The following MDGA2 variants were observed in gnomAD, a reference collection of about 807,000 sequenced individuals.
The protein encoded by MDGA2 is MAM domain containing glycosylphosphatidylinositol anchor 2.
A neutral mutation model predicts 117.8 loss-of-function variants in MDGA2; 40 were observed. The ratio of observed to expected loss-of-function variants is 0.34; its 90% CI spans 0.26 to 0.44. MDGA2 has a LOEUF of 0.44. Among genes scored for constraint, MDGA2 ranks in the 20% least tolerant of loss-of-function variants. The pLI, the probability that MDGA2 is intolerant of heterozygous loss-of-function variation, is 1.00. For missense variants in MDGA2, 1,123 were observed against 1,250.6 expected (o/e 0.90, Z 1.54); for synonymous variants, 452 against 439.0 (o/e 1.03, Z -0.37).
intron 2 of MDGA2, among the ~76,000 whole-genome samples, chr14:47,234,653 C>T (rs1445104200): frequency 1.3e-5 from 2 of 152,048 alleles, no homozygotes; most frequent in South Asian, 2.1e-4. Context: ...CATTCCAAGA[C>T]GCTACTGTGG....
At chr14:47,551,822 A>G (rs1189732371) in intron 1 of MDGA2, among the ~76,000 whole-genome samples, 1 of 152,178 alleles carries the variant, frequency 6.6e-6, no homozygotes, top group Non-Finnish European at 1.5e-5. Flanking sequence ...ACGAGGTACA[A>G]ATCAATTCCC....
intron 3 of MDGA2, among the ~76,000 whole-genome samples, chr14:47,198,591 A>G (rs1229021189): frequency 5.9e-5 from 9 of 152,196 alleles, no homozygotes; most frequent in African/African-American, 9.7e-5. Flanking sequence ...AATTGATAAA[A>G]TGATAGGATG....
intron 2 of MDGA2, among the ~76,000 whole-genome samples, chr14:47,259,775 T>C (rs554286569): frequency 1.3e-5 from 2 of 152,132 alleles, no homozygotes; most frequent in East Asian, 3.9e-4. Flanking sequence ...TTTTGCTAAC[T>C]ATGGAATCTG....
chr14:47,481,134 G>A (rs935167761), intron 1 of MDGA2, among the ~76,000 whole-genome samples: 3 of 152,070 alleles, frequency 2.0e-5, no homozygotes, highest in Non-Finnish European at 4.4e-5. Context: ...CTAAGTTATT[G>A]TGATGCTAAG....
At chr14:46,930,375 C>T (rs568296945) in intron 9 of MDGA2, among the ~76,000 whole-genome samples, 2 of 151,926 alleles carry the variant, frequency 1.3e-5, no homozygotes. Context: ...CTCTCATATC[C>T]TTTTTGGTAT....
intron 1 of MDGA2, among the ~76,000 whole-genome samples, chr14:47,581,781 G>A (rs752805827): frequency 1.2e-4 from 18 of 151,962 alleles, no homozygotes; most frequent in Admixed American, 2.0e-4. Flanking sequence ...ATGCAGGAAA[G>A]TAAATGTTTA....
chr14:47,152,499 G>C (rs1034700954), intron 3 of MDGA2, among the ~76,000 whole-genome samples: 2 of 152,074 alleles, frequency 1.3e-5, no homozygotes, highest in African/African-American at 2.4e-5. Context: ...TGGGAGTCAA[G>C]TTTCAGAGAA....
rs1483859670 is a variant in MDGA2 at position 47,291,465 on chromosome 14, GGGTTATCTCC to G, written c.420+9936_420+9945del. 4.6e-5 allele frequency among the ~76,000 whole-genome samples: 7 copies of G among 151,502 alleles called. No individual in the cohort carries two copies. The East Asian group carries it at 1.4e-3, about 29-fold the overall frequency. ...TACAGATGCTCCTTAACTTATAATG[GGGTTATCTCC>G]TGATAACCCCAACGCAACTTGAAAA... On this transcript the variant is annotated intron_variant, in intron 2 of 16. Transcript: ENST00000399232.
At chr14:47,289,132 A>G (rs1039703944) in intron 2 of MDGA2, among the ~76,000 whole-genome samples, 1 of 152,022 alleles carries the variant, frequency 6.6e-6, no homozygotes, top group Non-Finnish European at 1.5e-5. Context: ...TAGAGATTTG[A>G]AAACTCAAGT....
intron 1 of MDGA2, among the ~76,000 whole-genome samples, chr14:47,666,436 TGCACC>T (rs1897964842): frequency 2.0e-5 from 3 of 151,996 alleles, no homozygotes. Flanking sequence ...GGTTTGTAAA[TGCACC>T]AATCAGCACT....
chr14:47,287,687 A>G lies in MDGA2; in HGVS notation c.420+13724T>C, dbSNP rs543447574. Among the ~76,000 whole-genome samples the G allele has an allele frequency of 3.5e-4, 54 of 152,182 alleles. 1 individual carries two copies. The highest frequency in any genetic ancestry group is 7.1e-4 in the Non-Finnish European group (48 of 68,038). ...TATCTAATTTCAATGAATAAATAATATATGTTACAGGTTGATTATGTGCCC... is the reference window on the plus strand; with the variant it reads ...TATCTAATTTCAATGAATAAATAATGTATGTTACAGGTTGATTATGTGCCC... On this transcript the variant is annotated intron_variant, in intron 2 of 16. Coordinates refer to ENST00000399232, the MANE Select transcript of MDGA2 (RefSeq NM_001113498.3).
chr14:47,624,312 G>C (rs1381782015), intron 1 of MDGA2, among the ~76,000 whole-genome samples: 2 of 152,106 alleles, frequency 1.3e-5, no homozygotes. Flanking sequence ...ACAAAAATTA[G>C]CCAGGCATGG....
intron 1 of MDGA2, among the ~76,000 whole-genome samples, chr14:47,660,660 A>G (rs997501384): frequency 6.6e-6 from 1 of 152,252 alleles, no homozygotes; most frequent in African/African-American, 2.4e-5. Flanking sequence ...AACAAAAATC[A>G]GGCCAAATAT....
intron 1 of MDGA2, among the ~76,000 whole-genome samples, chr14:47,671,531 T>G (rs1341146164): frequency 2.0e-5 from 3 of 152,194 alleles, no homozygotes; most frequent in African/African-American, 7.2e-5. Flanking sequence ...ATGAAGTGAT[T>G]TTGCCTGAGT....
intron 2 of MDGA2, among the ~76,000 whole-genome samples, chr14:47,294,170 G>A (rs1888984733): frequency 1.4e-5 from 2 of 144,012 alleles, no homozygotes; most frequent in African/African-American, 2.6e-5. Flanking sequence ...TCAGGGCTCA[G>A]TGCAGCCTTG....
chr14:47,461,696 T>A (rs965979973), intron 1 of MDGA2, among the ~76,000 whole-genome samples: 78 of 151,230 alleles, frequency 5.2e-4, no homozygotes, highest in African/African-American at 1.8e-3. Context: ...ACGAAAAAAA[T>A]AAAAACAAAA....
chr14:47,509,741 T>C lies in MDGA2; in HGVS notation c.280+164776A>G, dbSNP rs147073764. Among the ~76,000 whole-genome samples the C allele has an allele frequency of 9.8e-5, 15 of 152,356 alleles. No homozygotes were observed. The East Asian group carries it at 2.7e-3, about 27-fold the overall frequency. ...AGTTAGGATCCATTACGTCTTCTTTTCTCTATCCCCCTTTTGGACAGGAAA... is the reference window on the plus strand; with the variant it reads ...AGTTAGGATCCATTACGTCTTCTTTCCTCTATCCCCCTTTTGGACAGGAAA... On this transcript the variant is annotated intron_variant, in intron 1 of 16. Transcript: ENST00000399232.
At chr14:47,435,809 G>T (rs1892885292) in intron 1 of MDGA2, among the ~76,000 whole-genome samples, 1 of 152,024 alleles carries the variant, frequency 6.6e-6, no homozygotes, top group Non-Finnish European at 1.5e-5. Context: ...TACTGAAAAA[G>T]TGCCCCCTGG....
At chr14:46,951,690 C>G (rs1595064579) in intron 9 of MDGA2, among the ~76,000 whole-genome samples, 1 of 149,016 alleles carries the variant, frequency 6.7e-6, no homozygotes, top group African/African-American at 2.5e-5. Context: ...CTTCACATAA[C>G]TTGAATAAGC....
Sources: allele counts gnomAD v4.1 joint callset (sites outside exome capture counted in the v4.1 genomes callset), GRCh38; gene constraint gnomAD v4.1.1; transcripts MANE v1.5; gene names NCBI Gene and HGNC (gene_info 2026-07-23, HGNC 2026-07-21).